Variants in LRRIQ4 observed in about 807,000 individuals in gnomAD.
LRRIQ4 encodes leucine-rich repeat and IQ domain-containing protein 4.
In LRRIQ4, 21 loss-of-function variants were observed where a neutral mutation model predicts 40.1. The ratio of observed to expected loss-of-function variants is 0.52; its 90% CI spans 0.37 to 0.75. The LOEUF (loss-of-function observed/expected upper bound fraction) is 0.75. Among genes scored for constraint, LRRIQ4 ranks in the 30% least tolerant of loss-of-function variants. LRRIQ4 has a pLI of 0.00. For missense variants in LRRIQ4, 655 were observed against 660.0 expected (o/e 0.99, Z 0.08); for synonymous variants, 277 against 277.1 (o/e 1.00, Z 0.00).
chr3:169,829,003 A>G, intron 3 of LRRIQ4, 71 bp downstream of exon 3: 1 of 1,359,178 alleles, frequency 7.4e-7, no homozygotes, highest in Non-Finnish European at 1.0e-6. Flanking sequence ...AACTGAGAAA[A>G]TATGAGGTCT....
chr3:169,824,925 C>T (rs1780006269), intron 2 of LRRIQ4, among the ~76,000 whole-genome samples: 1 of 152,046 alleles, frequency 6.6e-6, no homozygotes, highest in South Asian at 2.1e-4. Context: ...AATAGGTCTG[C>T]TTTACCTGGC....
At chr3:169,832,594 T>C (rs1409202679) in intron 4 of LRRIQ4, among the ~76,000 whole-genome samples, 2 of 143,448 alleles carry the variant, frequency 1.4e-5, no homozygotes, top group African/African-American at 2.6e-5. Context: ...ATCATGCCAC[T>C]GTACTCCAGC....
intron 5 of LRRIQ4, among the ~76,000 whole-genome samples, chr3:169,836,954 A>G (rs989932156): frequency 2.0e-5 from 3 of 152,182 alleles, no homozygotes; most frequent in African/African-American, 7.2e-5. Context: ...CTATTCAGAG[A>G]GAAATGGGGA....
In LRRIQ4 at chr3:169,821,987, C is replaced by T. The variant is rs745732849; in HGVS notation, c.66C>T (p.His22=). The T allele has an allele frequency of 5.6e-5, 86 of 1,548,836 alleles. No individual in the cohort carries two copies. Among genetic ancestry groups the T allele is most frequent in the Non-Finnish European group, 6.6e-5 (76 of 1,152,836 alleles). Residue 22 remains histidine (H), a synonymous_variant, in exon 2 of 6, where the codon CAC becomes CAT. Coordinates refer to ENST00000340806, the MANE Select transcript of LRRIQ4 (RefSeq NM_001080460.3). ...PKIHQRNDPQ[H]VNDRTFFIDA... ...TTCATCAGAGAAATGATCCACAGCA[C>T]GTCAATGATAGAACATTTTTCATTG...
At chr3:169,821,627 C>T (rs908287583) in intron 1 of LRRIQ4, among the ~76,000 whole-genome samples, 2 of 151,470 alleles carry the variant, frequency 1.3e-5, no homozygotes, top group Non-Finnish European at 2.9e-5. Flanking sequence ...GCAACAAAAG[C>T]GAAACTCCGT....
At position 169,822,763 on chromosome 3, in the gene LRRIQ4, C is replaced by G. The variant is rs545492711; in HGVS notation, c.842C>G (p.Ser281Trp). ...CCACGCCTCATTTGCAGGTGGACCT[C>G]GCTGCACCTGCTCTACCTGGGAAAC... ...KVPRLICRWT[S>W]LHLLYLGNTG... The change falls in exon 2 of 6, where the codon TCG becomes TGG. Residue 281 changes from serine to tryptophan, a missense_variant. Transcript: ENST00000340806. 2 of 1,613,556 alleles carry G rather than the reference C, an allele frequency of 1.2e-6. No homozygotes were observed. The highest frequency in any genetic ancestry group is 1.7e-6 in the Non-Finnish European group (2 of 1,179,674).
Position 169,828,849 on chromosome 3 carries a change from T to G in LRRIQ4, c.1111T>G (p.Leu371Val). Residue 371 changes from leucine to valine, a missense_variant, in exon 3 of 6, where the codon TTA becomes GTA. Leu to Val is a conservative substitution (Grantham distance 32, BLOSUM62 1). Transcript: ENST00000340806. Reference sequence around the variant, plus strand: ...TTCCTTTCCGGAGGAAGTCCTTTCTTTAGCGTCTTTAGAGAAATTATACAT... The same window carrying G: ...TTCCTTTCCGGAGGAAGTCCTTTCTGTAGCGTCTTTAGAGAAATTATACAT... ...FLSFPEEVLS[L>V]ASLEKLYIGQ... is the part of the protein sequence containing the mutation. 1.2e-6 allele frequency: 2 copies of G among 1,613,950 alleles called. No homozygotes were observed. The highest frequency in any genetic ancestry group is 1.6e-4 in the Middle Eastern group (1 of 6,062).
intron 1 of LRRIQ4, among the ~76,000 whole-genome samples, chr3:169,816,613 A>T (rs1483543420): frequency 1.4e-5 from 2 of 146,872 alleles, no homozygotes; most frequent in African/African-American, 5.0e-5. Context: ...ATTTTTTTGC[A>T]TTGTTCTTTA....
chr3:169,830,571 T>A lies in LRRIQ4; in HGVS notation c.1274T>A (p.Val425Asp). ...VSLGSMPNLEVLDCRHNLLKQ... is the reference protein window; with the variant it reads ...VSLGSMPNLEDLDCRHNLLKQ... Reference sequence around the variant, plus strand: ...TTGGGGTCAATGCCTAACCTAGAAGTTCTTGATTGCCGGCACAATTTGCTT... The same window carrying A: ...TTGGGGTCAATGCCTAACCTAGAAGATCTTGATTGCCGGCACAATTTGCTT... The change falls in exon 4 of 6, where the codon GTT (valine) becomes GAT (aspartate). Residue 425 changes from valine (V) to aspartate (D), a missense_variant. Val to Asp is a radical substitution (Grantham distance 152). Transcript: ENST00000340806. The A allele has an allele frequency of 6.2e-7, 1 of 1,613,686 alleles. No individual in the cohort carries two copies. Among genetic ancestry groups the A allele is most frequent in the Non-Finnish European group, 8.5e-7 (1 of 1,179,824 alleles).
chr3:169,813,973 G>A (rs1292439142), intron 1 of LRRIQ4, among the ~76,000 whole-genome samples: 1 of 152,144 alleles, frequency 6.6e-6, no homozygotes, highest in Non-Finnish European at 1.5e-5. Flanking sequence ...GCTTACAGCT[G>A]CTGAAGCAAA....
chr3:169,831,061 A>G (rs1292886834), intron 4 of LRRIQ4, among the ~76,000 whole-genome samples: 4 of 152,126 alleles, frequency 2.6e-5, no homozygotes, highest in South Asian at 2.1e-4. Flanking sequence ...TTGGAGCTAC[A>G]TAATTGACCT....
At chr3:169,818,371 T>G (rs1377042393) in intron 1 of LRRIQ4, among the ~76,000 whole-genome samples, 1 of 152,206 alleles carries the variant, frequency 6.6e-6, no homozygotes, top group Non-Finnish European at 1.5e-5. Context: ...GAAGATGATT[T>G]CTTGTGTGAA....
Position 169,822,301 on chromosome 3 carries a change from A to G in LRRIQ4, c.380A>G (p.Gln127Arg). Residue 127 changes from glutamine to arginine, a missense_variant, in exon 2 of 6, where the codon CAG (glutamine) becomes CGG (arginine). Coordinates refer to ENST00000340806, the MANE Select transcript of LRRIQ4 (RefSeq NM_001080460.3). ...LHALRELRLY[Q>R]TDLKEIPVVI... is the part of the protein sequence containing the mutation. ...GCCCTGCGCGAGCTCCGGCTCTACC[A>G]GACCGACCTGAAGGAAATTCCCGTC... is the stretch of plus-strand genomic sequence containing the variant. 6.2e-7 allele frequency: 1 copy of G among 1,613,948 alleles called. No individual in the cohort carries two copies. Among genetic ancestry groups the G allele is most frequent in the Non-Finnish European group, 8.5e-7 (1 of 1,179,854 alleles).
At chr3:169,824,511 TTATC>T (rs1380156541) in intron 2 of LRRIQ4, among the ~76,000 whole-genome samples, 1 of 152,070 alleles carries the variant, frequency 6.6e-6, no homozygotes, top group Non-Finnish European at 1.5e-5. Flanking sequence ...TTTTATTTAT[TTATC>T]TATTTATTTT....
intron 5 of LRRIQ4, among the ~76,000 whole-genome samples, chr3:169,836,632 A>T (rs1314466252): frequency 6.6e-6 from 1 of 152,176 alleles, no homozygotes; most frequent in African/African-American, 2.4e-5. Context: ...CTCCAAATTC[A>T]TTCACACTGG....
chr3:169,827,379 G>C (rs1780062993), intron 2 of LRRIQ4, among the ~76,000 whole-genome samples: 1 of 151,972 alleles, frequency 6.6e-6, no homozygotes, highest in Non-Finnish European at 1.5e-5. Context: ...AGGCCTAGGC[G>C]GGCGGACCAC....
chr3:169,821,680 C>CT (rs201578463), intron 1 of LRRIQ4, among the ~76,000 whole-genome samples: 235 of 147,330 alleles, frequency 1.6e-3, no homozygotes, highest in Middle Eastern at 3.5e-3. Flanking sequence ...AAGTTAATCT[C>CT]TTTTTTTTTT....
At chr3:169,821,571 C>G (rs1274708235) in intron 1 of LRRIQ4, among the ~76,000 whole-genome samples, 1 of 150,390 alleles carries the variant, frequency 6.6e-6, no homozygotes, top group Non-Finnish European at 1.5e-5. Flanking sequence ...GCCCAGGAGG[C>G]GGAGGTTGTA....
chr3:169,837,598 A>G lies in LRRIQ4; in HGVS notation c.1650A>G (p.Val550=). 6.3e-7 allele frequency: 1 copy of G among 1,590,752 alleles called. No homozygotes were observed. Among genetic ancestry groups the G allele is most frequent in the Non-Finnish European group, 8.6e-7 (1 of 1,169,400 alleles). The change falls in exon 6 of 6, where the codon GTA becomes GTG. Residue 550 remains valine (V), a synonymous_variant. Coordinates refer to ENST00000340806, the MANE Select transcript of LRRIQ4 (RefSeq NM_001080460.3). ...SPKDKKGKKD[V]KGKPGKGKKK Reference sequence around the variant, plus strand: ...AAGATAAGAAAGGAAAGAAGGATGTAAAAGGAAAACCAGGAAAGGGAAAAA... The same window carrying G: ...AAGATAAGAAAGGAAAGAAGGATGTGAAAGGAAAACCAGGAAAGGGAAAAA...
Sources: allele counts gnomAD v4.1 joint callset (sites outside exome capture counted in the v4.1 genomes callset), GRCh38; gene constraint gnomAD v4.1.1; transcripts MANE v1.5; gene names NCBI Gene and HGNC (gene_info 2026-07-23, HGNC 2026-07-21).